The following SNAP91 variants were observed in gnomAD, a reference collection of about 807,000 sequenced individuals.
SNAP91 encodes the protein synaptosome associated protein 91, also known as clathrin coat assembly protein AP180.
SNAP91 carries 27 observed loss-of-function variants against 100.3 expected under a neutral mutation model. The observed-to-expected ratio is 0.27, with a 90% CI of 0.20 to 0.37. The LOEUF (loss-of-function observed/expected upper bound fraction) is 0.37, where lower values mean the gene tolerates loss of function less well. SNAP91 is among the 10% of genes least tolerant of loss of function. SNAP91 has a pLI of 1.00. For synonymous variants in SNAP91, 404 were observed against 398.6 expected (o/e 1.01, Z -0.16); for missense variants, 986 against 1,123.7 (o/e 0.88, Z 1.75).
chr6:83,690,340 G>A, intron 2 of SNAP91: 1 of 1,276,158 alleles, frequency 7.8e-7, no homozygotes, highest in Non-Finnish European at 1.0e-6. Context: ...AAAGACTTGT[G>A]ATCTCCTCAT....
At chr6:83,650,505 A>T (rs753727546) in intron 7 of SNAP91, among the ~76,000 whole-genome samples, 6 of 152,106 alleles carry the variant, frequency 3.9e-5, no homozygotes, top group Admixed American at 1.3e-4. Context: ...TGCAACCTCC[A>T]CCTCCTGGTT....
At chr6:83,632,950 A>G (rs1160545144) in intron 8 of SNAP91, among the ~76,000 whole-genome samples, 1 of 152,132 alleles carries the variant, frequency 6.6e-6, no homozygotes, top group Non-Finnish European at 1.5e-5. Flanking sequence ...TGGAGGATTT[A>G]AAGAACCTTA....
Position 83,698,348 on chromosome 6 carries a change from A to G in SNAP91, c.130+9450T>C, listed in dbSNP as rs139031978. Reference sequence around the variant, plus strand: ...GGCCAAAAAAAAAAAAAAAAGAAAGAAATTGCAGAAAACCACATGGTAAAG... The same window carrying G: ...GGCCAAAAAAAAAAAAAAAAGAAAGGAATTGCAGAAAACCACATGGTAAAG... On this transcript the variant is annotated intron_variant, in intron 2 of 29. Transcript: ENST00000369694. Among the ~76,000 whole-genome samples, 922 of 151,500 alleles carry G rather than the reference A, an allele frequency of 6.1e-3. 3 individuals are homozygous for G. Among genetic ancestry groups the G allele is most frequent in the Non-Finnish European group, 9.5e-3 (642 of 67,848 alleles).
chr6:83,623,613 G>A (rs1337169942), intron 8 of SNAP91, among the ~76,000 whole-genome samples: 1 of 152,084 alleles, frequency 6.6e-6, no homozygotes, highest in Non-Finnish European at 1.5e-5. Flanking sequence ...AGCATAAAAT[G>A]TAATGGTATC....
At chr6:83,617,172 GTTCT>G in intron 9 of SNAP91, 133 bp from the exon 10 acceptor site, 1 of 510,208 alleles carries the variant, frequency 2.0e-6, no homozygotes, top group Non-Finnish European at 3.4e-6. Flanking sequence ...TTAATTGCAG[GTTCT>G]TTTAGTATTT....
intron 2 of SNAP91, among the ~76,000 whole-genome samples, chr6:83,685,591 T>A (rs1454132): frequency 0.19 from 28,247 of 152,168 alleles, 3,329 homozygotes; most frequent in South Asian, 0.29. Flanking sequence ...CCTTTTCCTA[T>A]GTTGACACCA....
chr6:83,560,548 G>A (rs1359803286), intron 27 of SNAP91, among the ~76,000 whole-genome samples: 1 of 152,162 alleles, frequency 6.6e-6, no homozygotes, highest in Non-Finnish European at 1.5e-5. Flanking sequence ...TAAAATTGGT[G>A]AGTAAAAAGT....
intron 16 of SNAP91, among the ~76,000 whole-genome samples, chr6:83,599,290 T>G (rs1023134927): frequency 6.6e-5 from 10 of 152,202 alleles, no homozygotes; most frequent in African/African-American, 2.4e-4. Context: ...TTGATTTCTT[T>G]GAGGTAATCA....
At position 83,601,540 on chromosome 6, in the gene SNAP91, C is replaced by T. The variant is rs758299574; in HGVS notation, c.1156+45G>A. ...TCAAAATAAGGACAGTTGTTACATA[C>T]AGAAGTCTGTCAAAATGGAAGTTTA... On this transcript the variant is annotated intron_variant, in intron 15 of 29. Coordinates refer to ENST00000369694, the MANE Select transcript of SNAP91 (RefSeq NM_001242792.2). 15 of 1,612,324 alleles carry T rather than the reference C, an allele frequency of 9.3e-6. No homozygotes were observed. In the South Asian group the frequency reaches 1.5e-4, roughly 17 times the overall value.
At chr6:83,693,924 G>A (rs1291227551) in intron 2 of SNAP91, among the ~76,000 whole-genome samples, 1 of 152,164 alleles carries the variant, frequency 6.6e-6, no homozygotes, top group African/African-American at 2.4e-5. Flanking sequence ...CATCTTAAGT[G>A]TCAACACTGA....
intron 7 of SNAP91, among the ~76,000 whole-genome samples, chr6:83,652,362 A>G (rs1281234073): frequency 2.0e-5 from 3 of 152,080 alleles, no homozygotes; most frequent in Non-Finnish European, 2.9e-5. Context: ...TTAGCATATC[A>G]ATTACACTTC....
chr6:83,621,785 C>T (rs2096739531), intron 9 of SNAP91, among the ~76,000 whole-genome samples: 1 of 152,022 alleles, frequency 6.6e-6, no homozygotes, highest in African/African-American at 2.4e-5. Flanking sequence ...AGCCTACTTT[C>T]TCTTTTATTC....
chr6:83,709,008 C>A lies in SNAP91; in HGVS notation c.-194G>T. The A allele has an allele frequency of 6.6e-6, 1 of 152,578 alleles. No individual in the cohort carries two copies. Among genetic ancestry groups the A allele is most frequent in the South Asian group, 2.1e-4 (1 of 4,878 alleles). The allele number at this position is 152,578 out of a possible 1,614,324, so 9.5% of individuals were successfully genotyped here. Reference sequence around the variant, plus strand: ...CTCCTCAGCTCCGCGGTCCCGGCGCCCACCGCCCCTGGCCCCTGGCCCCAG... The same window carrying A: ...CTCCTCAGCTCCGCGGTCCCGGCGCACACCGCCCCTGGCCCCTGGCCCCAG... On this transcript the variant is annotated 5_prime_UTR_variant, in exon 1 of 30. Coordinates refer to ENST00000369694, the MANE Select transcript of SNAP91 (RefSeq NM_001242792.2).
At position 83,576,037 on chromosome 6, in the gene SNAP91, A is replaced by G; in HGVS notation, c.2316T>C (p.Gly772=). ...ASLVGNLGIS[G]TTTKKGDLQW... ...CAAACACTTACTTTTTTGTTGTGGT[A>G]CCAGAAATTCCAAGATCTATAAATG... is the stretch of plus-strand genomic sequence containing the variant. The change falls in exon 25 of 30, where the codon GGT becomes GGC. Residue 772 remains glycine (G), a synonymous_variant. Coordinates refer to ENST00000369694, the MANE Select transcript of SNAP91 (RefSeq NM_001242792.2). 3 of 1,415,706 alleles carry G rather than the reference A, an allele frequency of 2.1e-6. No homozygotes were observed. The highest frequency in any genetic ancestry group is 2.9e-6 in the Non-Finnish European group (3 of 1,038,176). 87.7% of individuals were successfully genotyped at this position (1,415,706 alleles called of 1,614,324 possible). A position where few individuals can be genotyped will look rare whatever the true frequency, so the allele number is the denominator to read the frequency against.
chr6:83,701,992 C>T (rs1035677077), intron 2 of SNAP91, among the ~76,000 whole-genome samples: 1 of 152,166 alleles, frequency 6.6e-6, no homozygotes, highest in African/African-American at 2.4e-5. Context: ...GTATACCATT[C>T]AACCAATCTT....
At chr6:83,694,036 A>C (rs969207641) in intron 2 of SNAP91, among the ~76,000 whole-genome samples, 1 of 152,220 alleles carries the variant, frequency 6.6e-6, no homozygotes, top group African/African-American at 2.4e-5. Flanking sequence ...GTCTACCAAG[A>C]ATGGAGGAAT....
chr6:83,661,365 A>T (rs2128740521), intron 5 of SNAP91, 137 bp downstream of exon 5: 1 of 546,288 alleles, frequency 1.8e-6, no homozygotes, highest in East Asian at 2.9e-5. Flanking sequence ...CTACAATATT[A>T]TTGAGTTCCT....
chr6:83,559,158 C>G (rs1159835216), intron 28 of SNAP91, among the ~76,000 whole-genome samples: 1 of 152,162 alleles, frequency 6.6e-6, no homozygotes, highest in African/African-American at 2.4e-5. Context: ...AACAAGGTGA[C>G]TCAGAGTGGA....
intron 7 of SNAP91, among the ~76,000 whole-genome samples, chr6:83,655,121 G>A (rs893816414): frequency 7.9e-5 from 12 of 152,144 alleles, no homozygotes; most frequent in African/African-American, 2.7e-4. Context: ...AAGTATGGGA[G>A]AATCCATGAA....
Sources: allele counts gnomAD v4.1 joint callset (sites outside exome capture counted in the v4.1 genomes callset), GRCh38; gene constraint gnomAD v4.1.1; transcripts MANE v1.5; gene names NCBI Gene and HGNC (gene_info 2026-07-23, HGNC 2026-07-21).